Variants in TYW1B observed in about 807,000 individuals in gnomAD.
The protein encoded by TYW1B is tRNA-yW synthesizing protein 1 homolog B, also known as S-adenosyl-L-methionine-dependent tRNA 4-demethylwyosine synthase TYW1B.
TYW1B carries 73 observed loss-of-function variants against 86.9 expected under a neutral mutation model. The ratio of observed to expected loss-of-function variants is 0.84; its 90% CI spans 0.70 to 1.02. The LOEUF (loss-of-function observed/expected upper bound fraction) is 1.02, where lower values mean the gene tolerates loss of function less well. Ranked by LOEUF, TYW1B falls within the 50% of genes least tolerant of loss-of-function variation. TYW1B has a pLI of 0.00. For missense variants in TYW1B, 637 were observed against 827.4 expected (o/e 0.77, Z 2.82); for synonymous variants, 248 against 292.8 (o/e 0.85, Z 1.56).
chr7:72,742,994 T>C (rs765621910), intron 8 of TYW1B, among the ~76,000 whole-genome samples: 14 of 152,172 alleles, frequency 9.2e-5, no homozygotes, highest in Non-Finnish European at 1.6e-4. Flanking sequence ...TCTGGGCCAT[T>C]AGATGGCTAA....
intron 8 of TYW1B, 40 bp downstream of exon 8, chr7:72,744,444 A>T: frequency 1.3e-6 from 2 of 1,572,582 alleles, no homozygotes; most frequent in Non-Finnish European, 1.8e-6. Flanking sequence ...ACCACAGCTC[A>T]TTACATATTC....
At chr7:72,791,305 C>T (rs1788213763) in intron 6 of TYW1B, among the ~76,000 whole-genome samples, 1 of 151,638 alleles carries the variant, frequency 6.6e-6, no homozygotes, top group African/African-American at 2.4e-5. Context: ...GGAGCCCAGT[C>T]TGGCGCTCAG....
At chr7:72,710,728 A>C (rs1786637413) in intron 10 of TYW1B, among the ~76,000 whole-genome samples, 1 of 152,088 alleles carries the variant, frequency 6.6e-6, no homozygotes, top group African/African-American at 2.4e-5. Flanking sequence ...GAATCGCTTG[A>C]ACCTGGGAAG....
chr7:72,807,834 G>C (rs1356943090), intron 4 of TYW1B, among the ~76,000 whole-genome samples: 1 of 152,158 alleles, frequency 6.6e-6, no homozygotes, highest in Non-Finnish European at 1.5e-5. Context: ...TTAAGCTGAG[G>C]AACAGGGGTT....
intron 2 of TYW1B, among the ~76,000 whole-genome samples, chr7:72,819,101 C>T (rs1788780656): frequency 6.6e-6 from 1 of 152,016 alleles, no homozygotes; most frequent in Non-Finnish European, 1.5e-5. Flanking sequence ...GAGGTTATCC[C>T]AGGCGGCAGG....
chr7:72,694,900 A>G (rs1814278971), intron 10 of TYW1B, 78 bp from the exon 11 acceptor site: 1 of 1,505,216 alleles, frequency 6.6e-7, no homozygotes, highest in African/African-American at 1.4e-5. Context: ...AACCTGTAAT[A>G]GACATGGGTA....
chr7:72,736,427 T>G (rs1469427994), intron 8 of TYW1B, among the ~76,000 whole-genome samples: 1 of 152,238 alleles, frequency 6.6e-6, no homozygotes, highest in Non-Finnish European at 1.5e-5. Flanking sequence ...CTAGCAGATA[T>G]CTAAGAATGT....
At chr7:72,668,615 C>G (rs1554445749) in intron 11 of TYW1B, among the ~76,000 whole-genome samples, 1 of 152,156 alleles carries the variant, frequency 6.6e-6, no homozygotes, top group Non-Finnish European at 1.5e-5. Context: ...ACAAGCCACA[C>G]GTGCTTTCCC....
intron 8 of TYW1B, among the ~76,000 whole-genome samples, chr7:72,733,477 G>A (rs1409489466): frequency 7.9e-5 from 12 of 152,140 alleles, no homozygotes; most frequent in Non-Finnish European, 1.5e-4. Context: ...GGCTAATACG[G>A]TGAAACCCTG....
At chr7:72,690,509 AAATATGC>A (rs1814122228) in intron 11 of TYW1B, among the ~76,000 whole-genome samples, 1 of 152,250 alleles carries the variant, frequency 6.6e-6, no homozygotes, top group Non-Finnish European at 1.5e-5. Context: ...GTTAAAAACA[AAATATGC>A]TACCTTCTTC....
chr7:72,619,335 T>C (rs1282848740), intron 12 of TYW1B, among the ~76,000 whole-genome samples: 1 of 152,062 alleles, frequency 6.6e-6, no homozygotes, highest in Non-Finnish European at 1.5e-5. Flanking sequence ...AGGAAAATAA[T>C]GATATGGTTC....
chr7:72,810,560 C>A lies in TYW1B; in HGVS notation c.343G>T (p.Asp115Tyr). The A allele has an allele frequency of 6.2e-7, 1 of 1,613,920 alleles. No individual in the cohort carries two copies. The highest frequency in any genetic ancestry group is 1.1e-5 in the South Asian group (1 of 91,078). The change falls in exon 4 of 14, where the codon GAT becomes TAT. Residue 115 changes from aspartate to tyrosine, a missense_variant. By Grantham distance (160) the Asp-to-Tyr change is radical. Coordinates refer to ENST00000620995, the MANE Select transcript of TYW1B (RefSeq NM_001145440.3). ...FCKWLEEASI[D>Y]FRFGKTYLKG... The stretch of plus-strand genomic sequence containing the variant: ...AGGTAAGTTTTGCCAAATCGAAAAT[C>A]AATGGATGCTTCCTCTAACCATTTG...
chr7:72,620,450 C>T (rs1812186855), intron 12 of TYW1B, among the ~76,000 whole-genome samples: 1 of 152,090 alleles, frequency 6.6e-6, no homozygotes, highest in South Asian at 2.1e-4. Context: ...CTGAGGGAAG[C>T]AGTCCTGGGT....
At chr7:72,631,917 A>G (rs1340362360) in intron 11 of TYW1B, among the ~76,000 whole-genome samples, 7 of 152,198 alleles carry the variant, frequency 4.6e-5, no homozygotes, top group Admixed American at 1.3e-4. Flanking sequence ...GCAGCAGCGT[A>G]TCATACCAAG....
intron 13 of TYW1B, among the ~76,000 whole-genome samples, chr7:72,616,388 A>C (rs1437005500): frequency 6.6e-6 from 1 of 152,226 alleles, no homozygotes; most frequent in African/African-American, 2.4e-5. Context: ...AGAGGTTATT[A>C]CAAGGGCATT....
intron 11 of TYW1B, among the ~76,000 whole-genome samples, chr7:72,655,355 A>G (rs1554443471): frequency 6.6e-6 from 1 of 152,158 alleles, no homozygotes; most frequent in Non-Finnish European, 1.5e-5. Context: ...ACCGTTCCAG[A>G]GAGAGAATTC....
chr7:72,719,501 G>C (rs1258115459), intron 9 of TYW1B, among the ~76,000 whole-genome samples: 1 of 151,590 alleles, frequency 6.6e-6, no homozygotes, highest in Non-Finnish European at 1.5e-5. Flanking sequence ...CATGGTGGCA[G>C]GTGCCTGTAA....
At chr7:72,625,436 T>C (rs1434718383) in intron 12 of TYW1B, among the ~76,000 whole-genome samples, 2 of 151,992 alleles carry the variant, frequency 1.3e-5, no homozygotes, top group Non-Finnish European at 2.9e-5. Flanking sequence ...CTGGGCAACA[T>C]AGTGAGACCC....
rs1554475948 is a variant in TYW1B at position 72,802,460 on chromosome 7, T to C, written c.786A>G (p.Leu262=). ...AATCTTCAACATCAACAATGGAATT[T>C]AGGCTCTGATGGTCCTCACCACCAA... The part of the protein sequence containing the change: ...EEFGGEDHQS[L]NSIVDVEDLG... The change falls in exon 6 of 14, where the codon CTA becomes CTG. Residue 262 remains leucine (L), a synonymous_variant. Transcript: ENST00000620995. The C allele has an allele frequency of 1.2e-6, 2 of 1,613,818 alleles. No individual in the cohort carries two copies. Among genetic ancestry groups the C allele is most frequent in the Non-Finnish European group, 1.7e-6 (2 of 1,179,860 alleles).
Sources: allele counts gnomAD v4.1 joint callset (sites outside exome capture counted in the v4.1 genomes callset), GRCh38; gene constraint gnomAD v4.1.1; transcripts MANE v1.5; gene names NCBI Gene and HGNC (gene_info 2026-07-23, HGNC 2026-07-21).